Variants in MUC5AC observed in about 807,000 individuals in gnomAD.
MUC5AC encodes mucin 5AC, oligomeric mucus/gel-forming.
Under a neutral mutation model 169.7 loss-of-function variants are expected in MUC5AC, and 158 were observed. That is an observed-to-expected ratio of 0.93 (90% CI 0.82 to 1.06). MUC5AC has a LOEUF of 1.06. Among genes scored for constraint, MUC5AC ranks in the 50% least tolerant of loss-of-function variants. The pLI, the probability that MUC5AC is intolerant of heterozygous loss-of-function variation, is 0.00. For synonymous variants in MUC5AC, 1,975 were observed against 1,237.0 expected (o/e 1.60, Z -12.52); for missense variants, 4,359 against 3,089.9 (o/e 1.41, Z -9.74).
chr11:1,176,719 C>T, intron 21 of MUC5AC, 54 bp downstream of exon 21: 1 of 398,590 alleles, frequency 2.5e-6, no homozygotes, highest in Non-Finnish European at 4.4e-6. Context: ...AAACCAGAGG[C>T]CCTCCTTAAA....
intron 11 of MUC5AC, among the ~76,000 whole-genome samples, 160 bp downstream of exon 11, chr11:1,165,920 C>G (rs1049422009): frequency 1.3e-5 from 2 of 152,132 alleles, no homozygotes; most frequent in Admixed American, 6.5e-5. Flanking sequence ...CTCCCCAGCG[C>G]TAGTCCTCAC....
Position 1,183,162 on chromosome 11 carries a change from A to T in MUC5AC, c.5017A>T (p.Thr1673Ser). 2.7e-6 allele frequency: 1 copy of T among 365,354 alleles called. No individual in the cohort carries two copies. Among genetic ancestry groups the T allele is most frequent in the Admixed American group, 5.1e-5 (1 of 19,774 alleles). The allele number at this position is 365,354 out of a possible 1,614,324, so 22.6% of individuals were successfully genotyped here. ...NYEIRIQCCE[T>S]VNVCRDITRL... ...TGAGATCCGCATCCAGTGTTGCGAG[A>T]CGGTGAACGTGTGCAGAGACATCAC... The change falls in exon 31 of 49, where the codon ACG becomes TCG. Residue 1673 changes from threonine (T) to serine (S), a missense_variant. Thr to Ser is a moderately conservative substitution (Grantham distance 58). Coordinates refer to ENST00000621226, the MANE Select transcript of MUC5AC (RefSeq NM_001304359.2).
At chr11:1,177,685 G>T (rs1860720155) in intron 24 of MUC5AC, 52 bp downstream of exon 24, 1 of 398,610 alleles carries the variant, frequency 2.5e-6, no homozygotes, top group South Asian at 1.3e-4. Flanking sequence ...CCTGGAGGTG[G>T]GGAGCGTGGA....
chr11:1,184,528 T>C lies in MUC5AC; in HGVS notation c.6383T>C (p.Val2128Ala). 1 of 653,068 alleles carries C rather than the reference T, an allele frequency of 1.5e-6. No individual in the cohort carries two copies. The highest frequency in any genetic ancestry group is 2.8e-6 in the Non-Finnish European group (1 of 360,280). The allele number at this position is 653,068 out of a possible 1,614,324, so 40.5% of individuals were successfully genotyped here. Residue 2128 changes from valine to alanine, a missense_variant, in exon 31 of 49, where the codon GTG becomes GCG. By Grantham distance (64) the Val-to-Ala change is moderately conservative. Transcript: ENST00000621226. ...TGCACCTGGACAACGTGGTTCGACG[T>C]GGACTTCCCGTCCCCCGGACCCCAT... ...PRCTWTTWFD[V>A]DFPSPGPHGG...
chr11:1,185,374 C>T lies in MUC5AC; in HGVS notation c.7229C>T (p.Thr2410Ile). Reference protein sequence around the residue: ...PTTSTTSATTTSTTSAPTTST... With the variant: ...PTTSTTSATTISTTSAPTTST... The stretch of plus-strand genomic sequence containing the variant: ...ACCAGCACAACCTCTGCCACTACAA[C>T]CAGCACAACCTCAGCTCCTACAACC... The change falls in exon 31 of 49, where the codon ACC becomes ATC. Residue 2410 changes from threonine to isoleucine, a missense_variant. Thr to Ile is a moderately conservative substitution (Grantham distance 89). Coordinates refer to ENST00000621226, the MANE Select transcript of MUC5AC (RefSeq NM_001304359.2). 2.8e-6 allele frequency: 2 copies of T among 720,254 alleles called. No homozygotes were observed. Among genetic ancestry groups the T allele is most frequent in the South Asian group, 1.4e-5 (1 of 69,528 alleles). 44.6% of individuals were successfully genotyped at this position (720,254 alleles called of 1,614,324 possible).
chr11:1,171,662 C>T, intron 15 of MUC5AC, among the ~76,000 whole-genome samples: 1 of 143,700 alleles, frequency 7.0e-6, no homozygotes, highest in South Asian at 2.3e-4. Flanking sequence ...CTCACCCATT[C>T]ACCCACTCAC....
At chr11:1,170,502 C>G (rs1860476909) in intron 15 of MUC5AC, among the ~76,000 whole-genome samples, 3 of 142,008 alleles carry the variant, frequency 2.1e-5, no homozygotes, top group Admixed American at 6.9e-5. Flanking sequence ...CTCACCCACT[C>G]ACCGACTCAA....
rs201555660 is a variant in MUC5AC at position 1,196,431 on chromosome 11, G to A, written c.15681G>A (p.Pro5227=). The A allele has an allele frequency of 9.2e-6, 7 of 765,012 alleles. No homozygotes were observed. Among genetic ancestry groups the A allele is most frequent in the Non-Finnish European group, 1.4e-5 (6 of 417,818 alleles). The allele number at this position is 765,012 out of a possible 1,614,324, so 47.4% of individuals were successfully genotyped here. A position where few individuals can be genotyped will look rare whatever the true frequency, so the allele number is the denominator to read the frequency against. ...ACAAGGTGTACCAGCCCTGCGGCCCGAGCAACCCCTCCTACTGCTACGGGA... is the reference window on the plus strand; with the variant it reads ...ACAAGGTGTACCAGCCCTGCGGCCCAAGCAACCCCTCCTACTGCTACGGGA... The part of the protein sequence containing the change: ...PADKVYQPCG[P]SNPSYCYGND... The change falls in exon 38 of 49, where the codon CCG becomes CCA. Residue 5227 remains proline, a synonymous_variant. Transcript: ENST00000621226.
Position 1,196,225 on chromosome 11 carries a change from C to G in MUC5AC, c.15638-163C>G, listed in dbSNP as rs1242275313. Among the ~76,000 whole-genome samples the G allele has an allele frequency of 3.3e-5, 5 of 152,330 alleles. No homozygotes were observed. In the East Asian group the frequency reaches 9.7e-4, roughly 29 times the overall value. On this transcript the variant is annotated intron_variant, in intron 37 of 48. Transcript: ENST00000621226. ...TGGAGAGAAGGGAGGGCGTCCACGT[C>G]TGGGAGCCCGTGGCGGGGCACTGGG...
At position 1,185,298 on chromosome 11, in the gene MUC5AC, A is replaced by G. The variant is rs1358439931; in HGVS notation, c.7153A>G (p.Thr2385Ala). ...TACAAGCAGCACAACCTCTGCCACT[A>G]CCACCAGCAGAATCTCTGGTCCTGA... ...ARTSSTTSATTTSRISGPETT... is the reference protein window; with the variant it reads ...ARTSSTTSATATSRISGPETT... Residue 2385 changes from threonine (T) to alanine (A), a missense_variant, in exon 31 of 49, where the codon ACC becomes GCC. Thr to Ala is a moderately conservative substitution (Grantham distance 58). Transcript: ENST00000621226. The G allele has an allele frequency of 4.5e-6, 3 of 666,486 alleles. No homozygotes were observed. The highest frequency in any genetic ancestry group is 2.2e-5 in the Admixed American group (1 of 45,350). 41.3% of individuals were successfully genotyped at this position (666,486 alleles called of 1,614,324 possible).
At chr11:1,172,729 A>G (rs1204251647) in intron 16 of MUC5AC, among the ~76,000 whole-genome samples, 3 of 150,594 alleles carry the variant, frequency 2.0e-5, no homozygotes, top group Non-Finnish European at 3.0e-5. Context: ...TCACACATTC[A>G]CCACTCACCC....
At chr11:1,198,665 G>A (rs1049906762) in intron 43 of MUC5AC, among the ~76,000 whole-genome samples, 2 of 152,122 alleles carry the variant, frequency 1.3e-5, no homozygotes, top group African/African-American at 4.8e-5. Context: ...TGCAGCGTGG[G>A]GCTCTGCTCT....
chr11:1,171,383 TCACC>T (rs1436081415), intron 15 of MUC5AC, among the ~76,000 whole-genome samples: 2 of 107,772 alleles, frequency 1.9e-5, no homozygotes, highest in Non-Finnish European at 3.7e-5. Context: ...ACCCATTCAC[TCACC>T]CATTCACCCA....
In MUC5AC at chr11:1,165,401, C is replaced by T; in HGVS notation, c.1229C>T (p.Ser410Phe). The change falls in exon 10 of 49, where the codon TCC becomes TTC. Residue 410 changes from serine (S) to phenylalanine (F), a missense_variant. Physicochemically the swap from Ser to Phe is radical, Grantham distance 155. Transcript: ENST00000621226. Reference sequence around the variant, plus strand: ...GCCTATGCCCCAGGGGCCACCTACTCCACAGACTGCACCAACTGGTAGGTC... The same window carrying T: ...GCCTATGCCCCAGGGGCCACCTACTTCACAGACTGCACCAACTGGTAGGTC... ...GAAYAPGATY[S>F]TDCTNCTCSG... The T allele has an allele frequency of 6.2e-7, 1 of 1,611,742 alleles. No homozygotes were observed. The highest frequency in any genetic ancestry group is 8.5e-7 in the Non-Finnish European group (1 of 1,179,506).
intron 16 of MUC5AC, among the ~76,000 whole-genome samples, chr11:1,172,983 C>T (rs1197318432): frequency 1.3e-5 from 2 of 151,224 alleles, no homozygotes; most frequent in Non-Finnish European, 3.0e-5. Context: ...CTCACCCACC[C>T]ATTCACCCAC....
Position 1,186,069 on chromosome 11 carries a change from G to A in MUC5AC, c.7924G>A (p.Ala2642Thr), listed in dbSNP as rs1334100340. 6.6e-3 allele frequency: 4,212 copies of A among 639,678 alleles called. 135 individuals are homozygous for A. The African/African-American group carries it at 0.078, about 12-fold the overall frequency. 39.6% of individuals were successfully genotyped at this position (639,678 alleles called of 1,614,324 possible). ...PETTPSPVPT[A>T]STTSASTTST... ...AACTACTCCCAGCCCTGTTCCTACCGCCAGCACAACCTCTGCTTCTACAAC... is the reference window on the plus strand; with the variant it reads ...AACTACTCCCAGCCCTGTTCCTACCACCAGCACAACCTCTGCTTCTACAAC... Residue 2642 changes from alanine (A) to threonine (T), a missense_variant, in exon 31 of 49, where the codon GCC (alanine) becomes ACC (threonine). By Grantham distance (58) the Ala-to-Thr change is moderately conservative. Coordinates refer to ENST00000621226, the MANE Select transcript of MUC5AC (RefSeq NM_001304359.2).
intron 4 of MUC5AC, 90 bp downstream of exon 4, chr11:1,162,258 T>C: frequency 6.6e-7 from 1 of 1,518,816 alleles, no homozygotes; most frequent in Non-Finnish European, 8.8e-7. Context: ...CTGGGAGGGA[T>C]GTGGATTTCT....
rs773419858 is a variant in MUC5AC, at chr11:1,200,494, G to A, written c.16757G>A (p.Arg5586Gln). The change falls in exon 49 of 49, where the codon CGG becomes CAG. Residue 5586 changes from arginine (R) to glutamine (Q), a missense_variant. Coordinates refer to ENST00000621226, the MANE Select transcript of MUC5AC (RefSeq NM_001304359.2). ...EHRCQCCQEL[R>Q]TSLRNVTLHC... ...AGGTGCCAGTGCTGCCAGGAGCTGC[G>A]GACCTCGCTGAGGAATGTGACCCTG... The A allele has an allele frequency of 3.1e-5, 23 of 743,160 alleles. No homozygotes were observed. Among genetic ancestry groups the A allele is most frequent in the African/African-American group, 1.4e-4 (8 of 58,532 alleles). The allele number at this position is 743,160 out of a possible 1,614,324, so 46.0% of individuals were successfully genotyped here. A position where few individuals can be genotyped will look rare whatever the true frequency, so the allele number is the denominator to read the frequency against.
In MUC5AC at chr11:1,199,081, C is replaced by A; in HGVS notation, c.16297-6C>A. ...GATTCCAGCCACATGTCCATCCCTC[C>A]CGCAGGGCTTCGAGTACCAGGAGCA... On this transcript the variant is annotated splice_polypyrimidine_tract_variant and splice_region_variant and intron_variant, in intron 44 of 48. Coordinates refer to ENST00000621226, the MANE Select transcript of MUC5AC (RefSeq NM_001304359.2). 1.3e-6 allele frequency: 1 copy of A among 764,242 alleles called. No individual in the cohort carries two copies. Among genetic ancestry groups the A allele is most frequent in the South Asian group, 1.3e-5 (1 of 74,432 alleles). The allele number at this position is 764,242 out of a possible 1,614,324, so 47.3% of individuals were successfully genotyped here.
Sources: gnomAD v4.1 joint callset for allele counts (sites outside exome capture counted in the v4.1 genomes callset) on GRCh38, gnomAD v4.1.1 for gene constraint, MANE v1.5 for transcripts, NCBI Gene and HGNC (gene_info 2026-07-23, HGNC 2026-07-21) for gene names.